The following SYNRG variants were observed in gnomAD, a reference collection of about 807,000 sequenced individuals.
SYNRG encodes the protein AP1 gamma subunit binding protein 1.
In SYNRG, 37 loss-of-function variants were observed where a neutral mutation model predicts 130.9. That is an observed-to-expected ratio of 0.28 (90% CI 0.22 to 0.37). SYNRG has a LOEUF of 0.37. Among genes scored for constraint, SYNRG ranks in the 10% least tolerant of loss-of-function variants. The probability of loss-of-function intolerance (pLI) is 1.00; values close to 1 mark genes in which losing one functional copy is unlikely to be tolerated. For missense variants in SYNRG, 1,338 were observed against 1,588.9 expected (o/e 0.84, Z 2.68); for synonymous variants, 539 against 568.1 (o/e 0.95, Z 0.73).
intron 11 of SYNRG, among the ~76,000 whole-genome samples, chr17:37,564,863 T>C (rs897997889): frequency 3.9e-5 from 6 of 152,260 alleles, no homozygotes; most frequent in African/African-American, 1.4e-4. Context: ...GGTTTTTGCT[T>C]CTGTATTTCT....
intron 7 of SYNRG, among the ~76,000 whole-genome samples, chr17:37,576,806 C>T (rs1309607888): frequency 6.6e-6 from 1 of 152,060 alleles, no homozygotes; most frequent in African/African-American, 2.4e-5. Context: ...TGCTTCTTTG[C>T]AAAGTTTCAT....
rs552488216 is a variant in SYNRG at position 37,555,772 on chromosome 17, G to A, written c.1664-1713C>T. 1.4e-4 allele frequency among the ~76,000 whole-genome samples: 22 copies of A among 152,212 alleles called. No homozygotes were observed. The South Asian group carries it at 4.2e-3, about 29-fold the overall frequency. On this transcript the variant is annotated intron_variant, in intron 13 of 21. Transcript: ENST00000612223. ...TACAGAAAAATTAGCTGGGCATGGA[G>A]GCACATGCCTGTAATCCCAGCTACT...
At chr17:37,555,241 C>T (rs2059025599) in intron 13 of SYNRG, among the ~76,000 whole-genome samples, 1 of 152,162 alleles carries the variant, frequency 6.6e-6, no homozygotes, top group Admixed American at 6.5e-5. Context: ...ATTCTCCTGC[C>T]TCAGCCTCCC....
intron 19 of SYNRG, among the ~76,000 whole-genome samples, chr17:37,526,488 T>C (rs2055934947): frequency 6.6e-6 from 1 of 152,238 alleles, no homozygotes; most frequent in Non-Finnish European, 1.5e-5. Flanking sequence ...TCTTTCCTAT[T>C]GCTGCTGTAA....
At chr17:37,580,598 G>C (rs1013286492) in intron 6 of SYNRG, among the ~76,000 whole-genome samples, 1 of 151,858 alleles carries the variant, frequency 6.6e-6, no homozygotes, top group Non-Finnish European at 1.5e-5. Flanking sequence ...GCAGTGGCGC[G>C]ATCTCGGCTC....
chr17:37,607,370 T>C (rs948582380), intron 1 of SYNRG, among the ~76,000 whole-genome samples: 3 of 152,168 alleles, frequency 2.0e-5, no homozygotes, highest in African/African-American at 7.2e-5. Context: ...AAATAAAAAT[T>C]TGGGCCTAGA....
chr17:37,519,055 G>A lies in SYNRG; in HGVS notation c.3830C>T (p.Thr1277Ile). The A allele has an allele frequency of 1.2e-6, 2 of 1,613,720 alleles. No individual in the cohort carries two copies. Among genetic ancestry groups the A allele is most frequent in the Non-Finnish European group, 1.7e-6 (2 of 1,179,644 alleles). ...TCCATAGGCCAGCTTGAAACTGTCT[G>A]TTTCTGAGTTGAATGCCTGCCAGAA... ...EHPKKAFNSE[T>I]DSFKLAYGGH... The change falls in exon 22 of 22, where the codon ACA becomes ATA. Residue 1277 changes from threonine (T) to isoleucine (I), a missense_variant. Thr to Ile is a moderately conservative substitution (Grantham distance 89). This residue lies in a region of SYNRG where 1,146 missense variants were observed against 1,342.3 expected (regional missense o/e 0.85). Coordinates refer to ENST00000612223, the MANE Select transcript of SYNRG (RefSeq NM_007247.6).
intron 11 of SYNRG, 29 bp downstream of exon 11, chr17:37,568,762 A>C (rs2060189459): frequency 6.2e-7 from 1 of 1,603,588 alleles, no homozygotes; most frequent in Admixed American, 1.7e-5. Context: ...GGTTAAATGC[A>C]ATGTTAAATA....
At chr17:37,541,645 C>G (rs1004184242) in intron 15 of SYNRG, 8 of 343,640 alleles carry the variant, frequency 2.3e-5, no homozygotes, top group African/African-American at 1.7e-4. Flanking sequence ...GCTCAGGGAA[C>G]ATGAGCGGAG....
Position 37,609,333 on chromosome 17 carries a change from C to G in SYNRG, c.23G>C (p.Gly8Ala). The G allele has an allele frequency of 6.8e-7, 1 of 1,467,702 alleles. No homozygotes were observed. Among genetic ancestry groups the G allele is most frequent in the Non-Finnish European group, 9.0e-7 (1 of 1,116,320 alleles). The allele number at this position is 1,467,702 out of a possible 1,614,324, so 90.9% of individuals were successfully genotyped here. MALRPGA[G>A]SGGGGAAGAG... ...TCCCGCGGCCCCGCCGCCACCAGAA[C>G]CAGCTCCTGGCCGCAGCGCCATCTT... The change falls in exon 1 of 22, where the codon GGT (glycine) becomes GCT (alanine). Residue 8 changes from glycine (G) to alanine (A), a missense_variant. Gly to Ala is a moderately conservative substitution (Grantham distance 60). Around this residue, in one of 3 missense-constraint regions of SYNRG, gnomAD observed 184 missense variants for 217.2 expected, o/e 0.85. Coordinates refer to ENST00000612223, the MANE Select transcript of SYNRG (RefSeq NM_007247.6).
chr17:37,587,112 AAAT>A (rs2061751827), intron 3 of SYNRG, among the ~76,000 whole-genome samples: 1 of 152,196 alleles, frequency 6.6e-6, no homozygotes, highest in African/African-American at 2.4e-5. Flanking sequence ...AAGTGTCCAG[AAAT>A]AATAATAACA....
intron 3 of SYNRG, among the ~76,000 whole-genome samples, chr17:37,594,812 G>A (rs538814744): frequency 5.3e-5 from 8 of 152,100 alleles, no homozygotes; most frequent in Admixed American, 2.0e-4. Flanking sequence ...GTTTACATTC[G>A]TCCTGGTATA....
At position 37,570,582 on chromosome 17, in the gene SYNRG, G is replaced by A. The variant is rs117353293; in HGVS notation, c.1347+55C>T. 1,237 of 1,552,926 alleles carry A rather than the reference G, an allele frequency of 8.0e-4. 21 individuals carry two copies. In the East Asian group the frequency reaches 0.022, roughly 28 times the overall value. ...ACTCTATGTATCCCCGGAAAAAATG[G>A]TGCCCAGATTCACTTTCAGTGATTA... is the stretch of plus-strand genomic sequence containing the variant. On this transcript the variant is annotated intron_variant, in intron 10 of 21. Coordinates refer to ENST00000612223, the MANE Select transcript of SYNRG (RefSeq NM_007247.6).
chr17:37,596,731 G>C (rs185555698), intron 2 of SYNRG, among the ~76,000 whole-genome samples: 4 of 152,184 alleles, frequency 2.6e-5, no homozygotes, highest in Admixed American at 6.5e-5. Context: ...ACAGGATACT[G>C]TGGAAATGAC....
At chr17:37,530,218 T>C (rs1456982786) in intron 19 of SYNRG, among the ~76,000 whole-genome samples, 1 of 152,232 alleles carries the variant, frequency 6.6e-6, no homozygotes, top group Non-Finnish European at 1.5e-5. Context: ...AGTTGACTTC[T>C]GACTTTCAGA....
rs1416123439 is a variant in SYNRG, at chr17:37,543,841, G to T, written c.2609-1276C>A. On this transcript the variant is annotated intron_variant, in intron 14 of 21. Transcript: ENST00000612223. Reference sequence around the variant, plus strand: ...GCCGAGACTGAATTTGGCTGGTGTGGAGAAGTGGGTTGATATGCATTTCGT... The same window carrying T: ...GCCGAGACTGAATTTGGCTGGTGTGTAGAAGTGGGTTGATATGCATTTCGT... 2.0e-5 allele frequency among the ~76,000 whole-genome samples: 3 copies of T among 152,230 alleles called. No individual in the cohort carries two copies. In the East Asian group the frequency reaches 5.8e-4, roughly 29 times the overall value.
intron 18 of SYNRG, chr17:37,536,412 C>A: frequency 2.5e-6 from 1 of 397,596 alleles, no homozygotes; most frequent in East Asian, 4.4e-5. Flanking sequence ...GTTTCCTCAT[C>A]TGTGAAGTTG....
chr17:37,551,094 C>T (rs756726199), intron 14 of SYNRG, among the ~76,000 whole-genome samples: 5 of 152,138 alleles, frequency 3.3e-5, no homozygotes, highest in Non-Finnish European at 7.4e-5. Flanking sequence ...GATTAAGGTC[C>T]GCAGATAGCA....
intron 3 of SYNRG, among the ~76,000 whole-genome samples, chr17:37,592,906 C>A (rs1210850002): frequency 1.3e-5 from 2 of 152,118 alleles, no homozygotes; most frequent in Admixed American, 6.6e-5. Flanking sequence ...AATAGGGGAA[C>A]TGGGCAAAGG....
Sources: allele counts gnomAD v4.1 joint callset (sites outside exome capture counted in the v4.1 genomes callset), GRCh38; gene constraint gnomAD v4.1.1; regional missense constraint gnomAD v4.1.1; transcripts MANE v1.5; gene names NCBI Gene and HGNC (gene_info 2026-07-23, HGNC 2026-07-21).